Variants in CEP85L observed in about 807,000 individuals in gnomAD.
The protein encoded by CEP85L is centrosomal protein 85L.
CEP85L carries 60 observed loss-of-function variants against 100.3 expected under a neutral mutation model. That is an observed-to-expected ratio of 0.60 (90% CI 0.49 to 0.74). CEP85L has a LOEUF of 0.74. Ranked by LOEUF, CEP85L falls within the 30% of genes least tolerant of loss-of-function variation. The probability of loss-of-function intolerance (pLI) is 0.00; values close to 1 mark genes in which losing one functional copy is unlikely to be tolerated. For synonymous variants in CEP85L, 319 were observed against 322.7 expected (o/e 0.99, Z 0.12); for missense variants, 973 against 936.2 (o/e 1.04, Z -0.51).
At chr6:118,630,872 C>T (rs1038326693) in intron 2 of CEP85L, among the ~76,000 whole-genome samples, 1 of 152,176 alleles carries the variant, frequency 6.6e-6, no homozygotes, top group Non-Finnish European at 1.5e-5. Context: ...CATAGAAGCA[C>T]AAACCCACTG....
At chr6:118,510,570 G>C (rs942145919) in intron 5 of CEP85L, among the ~76,000 whole-genome samples, 3 of 152,046 alleles carry the variant, frequency 2.0e-5, no homozygotes, top group Non-Finnish European at 4.4e-5. Context: ...AAAAATCCAA[G>C]TTTAATAACA....
chr6:118,609,728 G>A (rs573818022), intron 2 of CEP85L, among the ~76,000 whole-genome samples: 4 of 152,046 alleles, frequency 2.6e-5, no homozygotes, highest in South Asian at 2.1e-4. Context: ...GAAGTAGAAT[G>A]TACACTACAA....
In CEP85L at chr6:118,688,103, G is replaced by C. The variant is rs550968744; in HGVS notation, c.-28+21933C>G. Reference sequence around the variant, plus strand: ...AGCGGCCCGTCGCCATCTTGGAAGCGGCTTGCCACCATCTTGGGAGCTCTG... The same window carrying C: ...AGCGGCCCGTCGCCATCTTGGAAGCCGCTTGCCACCATCTTGGGAGCTCTG... On this transcript the variant is annotated intron_variant, in intron 1 of 13. Transcript: ENST00000368488. 1.3e-5 allele frequency among the ~76,000 whole-genome samples: 2 copies of C among 152,106 alleles called. 1 individual carries two copies. The highest frequency in any genetic ancestry group is 1.3e-4 in the Admixed American group (2 of 15,262).
intron 2 of CEP85L, among the ~76,000 whole-genome samples, chr6:118,599,838 G>C (rs1269160524): frequency 6.6e-6 from 1 of 152,082 alleles, no homozygotes; most frequent in African/African-American, 2.4e-5. Flanking sequence ...TAATTTGAAA[G>C]ACATCTATAA....
intron 1 of CEP85L, among the ~76,000 whole-genome samples, chr6:118,666,438 C>G (rs1031909033): frequency 3.3e-5 from 5 of 152,182 alleles, no homozygotes; most frequent in African/African-American, 1.2e-4. Context: ...TAACTCAATA[C>G]TTATGCTCTT....
intron 2 of CEP85L, among the ~76,000 whole-genome samples, chr6:118,611,525 G>A (rs918404677): frequency 6.6e-6 from 1 of 152,130 alleles, no homozygotes; most frequent in East Asian, 1.9e-4. Context: ...TACATTAAAT[G>A]TAAATGGTCT....
At chr6:118,503,212 A>C (rs928240299) in intron 5 of CEP85L, among the ~76,000 whole-genome samples, 2 of 152,228 alleles carry the variant, frequency 1.3e-5, no homozygotes, top group African/African-American at 4.8e-5. Context: ...TCAAAAAATA[A>C]GATAGGTATA....
intron 3 of CEP85L, chr6:118,537,927 T>C (rs1583003530): frequency 1.0e-6 from 1 of 982,422 alleles, no homozygotes; most frequent in Non-Finnish European, 1.2e-6. Context: ...AAGTGTTTTC[T>C]GGTAAGAGTC....
Position 118,481,904 on chromosome 6 carries a change from A to G in CEP85L, c.1620T>C (p.Asn540=), listed in dbSNP as rs1346744699. Residue 540 remains asparagine, a synonymous_variant, in exon 8 of 13, where the codon AAT becomes AAC. Coordinates refer to ENST00000368491, the MANE Select transcript of CEP85L (RefSeq NM_001042475.3). ...CTGTATCTATCAAAGCCTCTTGTAA[A>G]TTCTTATTTTTTTCTTCCAGAATCT... is the stretch of plus-strand genomic sequence containing the variant. ...QLQILEEKNK[N]LQEALIDTEK... 1.9e-6 allele frequency: 3 copies of G among 1,569,694 alleles called. No homozygotes were observed.
chr6:118,657,727 C>G (rs1775844964), intron 1 of CEP85L, among the ~76,000 whole-genome samples: 1 of 129,312 alleles, frequency 7.7e-6, no homozygotes, highest in Non-Finnish European at 1.9e-5. Flanking sequence ...GGCCAGGGAG[C>G]TACTGCCCCC....
At chr6:118,693,309 A>T (rs1445934358) in intron 1 of CEP85L, among the ~76,000 whole-genome samples, 1 of 152,172 alleles carries the variant, frequency 6.6e-6, no homozygotes, top group Non-Finnish European at 1.5e-5. Flanking sequence ...TTTCTTAAAA[A>T]TTTCCATGCT....
At chr6:118,568,110 C>T (rs188197658) in intron 2 of CEP85L, among the ~76,000 whole-genome samples, 10 of 152,232 alleles carry the variant, frequency 6.6e-5, no homozygotes, top group African/African-American at 2.2e-4. Flanking sequence ...GTGGAGCTAC[C>T]ATTTTTGGGT....
chr6:118,707,051 G>A (rs1193182559), intron 1 of CEP85L, among the ~76,000 whole-genome samples: 1 of 152,076 alleles, frequency 6.6e-6, no homozygotes, highest in African/African-American at 2.4e-5. Context: ...CTCCCTGTCT[G>A]AGCCCAGGCT....
At chr6:118,632,707 T>C in intron 1 of CEP85L, 96 bp from the exon 2 acceptor site, 2 of 908,226 alleles carry the variant, frequency 2.2e-6, no homozygotes, top group Non-Finnish European at 3.2e-6. Context: ...GTATAAAAGG[T>C]ATAAAAGGTT....
chr6:118,647,771 C>T (rs1335924624), intron 1 of CEP85L, among the ~76,000 whole-genome samples: 6 of 152,158 alleles, frequency 3.9e-5, no homozygotes, highest in Non-Finnish European at 7.3e-5. Context: ...CAAAAGCCTA[C>T]GGGAAATATG....
intron 2 of CEP85L, among the ~76,000 whole-genome samples, chr6:118,592,155 T>TATA (rs1254708736): frequency 6.6e-6 from 1 of 152,154 alleles, no homozygotes; most frequent in East Asian, 1.9e-4. Context: ...ACCTATATTA[T>TATA]CCTACACTAT....
At chr6:118,672,996 A>G (rs1405400217) in intron 1 of CEP85L, among the ~76,000 whole-genome samples, 1 of 152,168 alleles carries the variant, frequency 6.6e-6, no homozygotes, top group Non-Finnish European at 1.5e-5. Flanking sequence ...TGCAAGAATG[A>G]TGAAGAAAGA....
intron 10 of CEP85L, among the ~76,000 whole-genome samples, chr6:118,472,905 A>C (rs1408565284): frequency 1.3e-5 from 2 of 152,226 alleles, no homozygotes; most frequent in Non-Finnish European, 2.9e-5. Flanking sequence ...TGAACAGTGG[A>C]AATAAGCACA....
In CEP85L at chr6:118,669,454, C is replaced by G. The variant is rs116058358; in HGVS notation, c.-27-16646G>C. Among the ~76,000 whole-genome samples the G allele has an allele frequency of 9.9e-3, 1,506 of 152,294 alleles. 36 individuals are homozygous for G. The highest frequency in any genetic ancestry group is 0.034 in the African/African-American group (1,395 of 41,562). On this transcript the variant is annotated intron_variant, in intron 1 of 13. Coordinates refer to the CEP85L transcript ENST00000368488. ...TCCAACTACCCACCCCCTTGCCCTT[C>G]CTTACATTTGATTCTTTGTTAGATG...
Sources: allele counts gnomAD v4.1 joint callset (sites outside exome capture counted in the v4.1 genomes callset), GRCh38; gene constraint gnomAD v4.1.1; transcripts MANE v1.5; gene names NCBI Gene and HGNC (gene_info 2026-07-23, HGNC 2026-07-21).